The following ADCY5 variants were observed in gnomAD, a reference collection of about 807,000 sequenced individuals.
ADCY5 encodes adenylate cyclase 5, also known as adenylate cyclase type 5.
In ADCY5, 30 loss-of-function variants were observed where a neutral mutation model predicts 119.7. That is an observed-to-expected ratio of 0.25 (90% CI 0.19 to 0.34). The LOEUF (loss-of-function observed/expected upper bound fraction) is 0.34, where lower values mean the gene tolerates loss of function less well. Ranked by LOEUF, ADCY5 falls within the 10% of genes least tolerant of loss-of-function variation. ADCY5 has a pLI of 1.00. For missense variants in ADCY5, 1,324 were observed against 1,775.2 expected, an observed-to-expected ratio of 0.75 and a Z score of 4.57; for synonymous variants, 753 against 762.2, an observed-to-expected ratio of 0.99 and a Z score of 0.20.
chr3:123,388,998 G>C, intron 1 of ADCY5, among the ~76,000 whole-genome samples: 1 of 152,172 alleles, frequency 6.6e-6, no homozygotes, highest in Admixed American at 6.5e-5. Flanking sequence ...GGGGAAGGAG[G>C]CGGGGCGGGA....
intron 1 of ADCY5, among the ~76,000 whole-genome samples, chr3:123,421,845 G>A (rs1185784402): frequency 6.6e-6 from 1 of 152,176 alleles, no homozygotes; most frequent in African/African-American, 2.4e-5. Flanking sequence ...GGGAGAGAGA[G>A]TTGAGCATGA....
In ADCY5 at chr3:123,286,799, G is replaced by T; in HGVS notation, c.3543C>A (p.Ile1181=). 6.2e-7 allele frequency: 1 copy of T among 1,605,800 alleles called. No individual in the cohort carries two copies. The highest frequency in any genetic ancestry group is 8.5e-7 in the Non-Finnish European group (1 of 1,176,248). Residue 1181 remains isoleucine (I), a synonymous_variant, in exon 20 of 21, where the codon ATC becomes ATA. Transcript: ENST00000462833. The surrounding 1 kb of genome is among the most constrained non-coding windows in gnomAD (Gnocchi z 4.2). ...NNFQMKIGLN[I]GPVVAGVIGA... is the part of the protein sequence containing the mutation. ...CTATCACCCCGGCCACCACGGGGCC[G>T]ATGTTGAGCCCTGCAGGGGACAGGA...
chr3:123,379,987 A>T (rs1330019723), intron 1 of ADCY5, among the ~76,000 whole-genome samples: 4 of 152,124 alleles, frequency 2.6e-5, no homozygotes, highest in Non-Finnish European at 5.9e-5. Context: ...TCAGAATTCA[A>T]ATCCAGGGCC....
At chr3:123,302,816 A>T (rs1939921193) in intron 14 of ADCY5, among the ~76,000 whole-genome samples, 1 of 152,212 alleles carries the variant, frequency 6.6e-6, no homozygotes, top group African/African-American at 2.4e-5. Flanking sequence ...GTCCCTGGTA[A>T]GCACTATAGA....
At chr3:123,444,172 C>T (rs1250803567) in intron 1 of ADCY5, among the ~76,000 whole-genome samples, 1 of 152,110 alleles carries the variant, frequency 6.6e-6, no homozygotes, top group Non-Finnish European at 1.5e-5. Flanking sequence ...TTGGCAGATG[C>T]TCCAGTGTTA....
At chr3:123,417,641 C>T (rs1455387525) in intron 1 of ADCY5, among the ~76,000 whole-genome samples, 1 of 152,178 alleles carries the variant, frequency 6.6e-6, no homozygotes, top group Non-Finnish European at 1.5e-5. Flanking sequence ...AGACATGAGC[C>T]ATGGGACAGT....
intron 1 of ADCY5, among the ~76,000 whole-genome samples, chr3:123,435,378 T>C (rs531111249): frequency 1.3e-5 from 2 of 152,288 alleles, no homozygotes; most frequent in South Asian, 2.1e-4. Context: ...TTCATCTGAA[T>C]AGTAGCGCCA....
At chr3:123,383,832 A>G (rs942654370) in intron 1 of ADCY5, among the ~76,000 whole-genome samples, 2 of 150,392 alleles carry the variant, frequency 1.3e-5, no homozygotes, top group African/African-American at 5.0e-5. Context: ...GTGCACGTGC[A>G]CACACACACA....
intron 1 of ADCY5, among the ~76,000 whole-genome samples, chr3:123,374,167 G>A (rs560534283): frequency 2.0e-5 from 3 of 152,190 alleles, no homozygotes; most frequent in Non-Finnish European, 2.9e-5. Context: ...GCTGGGAGCT[G>A]AGTAGGGTTG....
intron 3 of ADCY5, among the ~76,000 whole-genome samples, chr3:123,344,305 C>T (rs1450846199): frequency 6.6e-6 from 1 of 152,168 alleles, no homozygotes; most frequent in Non-Finnish European, 1.5e-5. Context: ...ATGAATGTGA[C>T]TCATCACCCT....
Position 123,289,743 on chromosome 3 carries a change from C to A in ADCY5, c.3532+7G>T, listed in dbSNP as rs200100322. The A allele has an allele frequency of 1.9e-6, 3 of 1,613,102 alleles. No homozygotes were observed. In the South Asian group the frequency reaches 3.3e-5, roughly 18 times the overall value. On this transcript the variant is annotated splice_region_variant and intron_variant, in intron 19 of 20. Coordinates refer to ENST00000462833, the MANE Select transcript of ADCY5 (RefSeq NM_183357.3). ...CTGGGCTCAGCACTCCCTGGGCCCC[C>A]ACTCACCGATCTTCATCTGGAAGTT...
intron 19 of ADCY5, among the ~76,000 whole-genome samples, chr3:123,288,906 A>C (rs1398864262): frequency 6.6e-6 from 1 of 152,184 alleles, no homozygotes; most frequent in African/African-American, 2.4e-5. Context: ...GCATGTGACA[A>C]AGGAGTCCAG....
At chr3:123,391,464 G>A (rs966789489) in intron 1 of ADCY5, among the ~76,000 whole-genome samples, 6 of 152,126 alleles carry the variant, frequency 3.9e-5, no homozygotes, top group African/African-American at 1.4e-4. Context: ...TTCCCACCCA[G>A]AAGGAGGGAG....
At chr3:123,323,647 C>G (rs1941336908) in intron 8 of ADCY5, among the ~76,000 whole-genome samples, 2 of 151,958 alleles carry the variant, frequency 1.3e-5, no homozygotes, top group Non-Finnish European at 2.9e-5. Flanking sequence ...CCCCCTTTCC[C>G]CCTTTCTCCC....
chr3:123,384,727 T>C (rs1944159917), intron 1 of ADCY5, among the ~76,000 whole-genome samples: 2 of 152,062 alleles, frequency 1.3e-5, no homozygotes, highest in South Asian at 4.1e-4. Context: ...TTTCCCACCT[T>C]CCCACTCTGA....
intron 1 of ADCY5, among the ~76,000 whole-genome samples, chr3:123,427,864 C>T (rs987179116): frequency 1.3e-5 from 2 of 152,196 alleles, no homozygotes; most frequent in Non-Finnish European, 2.9e-5. Flanking sequence ...ATCTTGGTTT[C>T]CCAGTGCCTA....
intron 1 of ADCY5, among the ~76,000 whole-genome samples, chr3:123,424,159 G>C (rs925290395): frequency 6.6e-6 from 1 of 152,258 alleles, no homozygotes; most frequent in African/African-American, 2.4e-5. Flanking sequence ...ACGCACGTGG[G>C]ACTGTGGGGG....
intron 1 of ADCY5, among the ~76,000 whole-genome samples, chr3:123,390,066 G>T (rs1944359295): frequency 6.6e-6 from 1 of 152,170 alleles, no homozygotes; most frequent in Admixed American, 6.5e-5. Flanking sequence ...TGGGGGTGAG[G>T]ATGACTGCCA....
At chr3:123,437,418 T>C (rs1039430859) in intron 1 of ADCY5, among the ~76,000 whole-genome samples, 1 of 152,128 alleles carries the variant, frequency 6.6e-6, no homozygotes, top group Non-Finnish European at 1.5e-5. Flanking sequence ...GAGTGAAAGG[T>C]ACATGCCCAG....
Sources: allele counts gnomAD v4.1 joint callset (sites outside exome capture counted in the v4.1 genomes callset), GRCh38; gene constraint gnomAD v4.1.1; non-coding constraint Gnocchi (gnomAD v3.1); transcripts MANE v1.5; gene names NCBI Gene and HGNC (gene_info 2026-07-23, HGNC 2026-07-21).